The following PDS5B variants were observed in gnomAD, a reference collection of about 807,000 sequenced individuals.
PDS5B encodes sister chromatid cohesion protein PDS5 homolog B.
Under a neutral mutation model 184.1 loss-of-function variants are expected in PDS5B, and 51 were observed. The ratio of observed to expected loss-of-function variants is 0.28; its 90% CI spans 0.22 to 0.35. The LOEUF (loss-of-function observed/expected upper bound fraction) is 0.35. Among genes scored for constraint, PDS5B ranks in the 10% least tolerant of loss-of-function variants. The probability of loss-of-function intolerance (pLI) is 1.00; values close to 1 mark genes in which losing one functional copy is unlikely to be tolerated. For synonymous variants in PDS5B, 566 were observed against 569.2 expected, an observed-to-expected ratio of 0.99 and a Z score of 0.08; for missense variants, 1,180 against 1,723.3, an observed-to-expected ratio of 0.68 and a Z score of 5.58.
rs566290883 is a variant in PDS5B, at chr13:32,760,953, T to C, written c.3518+233T>C. On this transcript the variant is annotated intron_variant, in intron 30 of 34. Coordinates refer to ENST00000315596, the MANE Select transcript of PDS5B (RefSeq NM_015032.4). ...GCTTGTTGGGGGTAATCTGTGTTAGTACACATAAACTAGTTTCCAACCTCA... is the reference window on the plus strand; with the variant it reads ...GCTTGTTGGGGGTAATCTGTGTTAGCACACATAAACTAGTTTCCAACCTCA... Among the ~76,000 whole-genome samples, 3 of 152,356 alleles carry C rather than the reference T, an allele frequency of 2.0e-5. No individual in the cohort carries two copies. The South Asian group carries it at 6.2e-4, about 32-fold the overall frequency.
In PDS5B at chr13:32,773,921, A is replaced by G. The variant is rs1004193015; in HGVS notation, c.4308+597A>G. On this transcript the variant is annotated intron_variant, in intron 34 of 34. Transcript: ENST00000315596. Reference sequence around the variant, plus strand: ...CAGATTCAAGCAATTCTCCTGCCTCAGCTTCCCAAGTAGCTGAGATTACAG... The same window carrying G: ...CAGATTCAAGCAATTCTCCTGCCTCGGCTTCCCAAGTAGCTGAGATTACAG... 2.5e-4 allele frequency among the ~76,000 whole-genome samples: 38 copies of G among 152,104 alleles called. 1 individual carries two copies. Among genetic ancestry groups the G allele is most frequent in the Admixed American group, 2.6e-4 (4 of 15,266 alleles).
At chr13:32,730,203 A>T (rs1381033966) in intron 19 of PDS5B, among the ~76,000 whole-genome samples, 1 of 152,186 alleles carries the variant, frequency 6.6e-6, no homozygotes, top group Non-Finnish European at 1.5e-5. Context: ...TAAATACGGA[A>T]TCCTTTCCCC....
At chr13:32,748,878 G>C (rs1953860895) in intron 24 of PDS5B, among the ~76,000 whole-genome samples, 1 of 152,108 alleles carries the variant, frequency 6.6e-6, no homozygotes, top group Admixed American at 6.5e-5. Context: ...AGATAATTCT[G>C]TCCTTTGATA....
Position 32,741,110 on chromosome 13 carries a change from G to A in PDS5B, c.2437G>A (p.Val813Ile), listed in dbSNP as rs1566397734. ...LPGKKTTKLW[V>I]PDEEVSPETM... ...AGGGAAAAAGACAACTAAACTTTGG[G>A]TTCCAGATGAAGAAGTATCTCCTGA... Residue 813 changes from valine (V) to isoleucine (I), a missense_variant, in exon 22 of 35, where the codon GTT becomes ATT. Val to Ile is a conservative substitution (Grantham distance 29, BLOSUM62 3). This residue lies in a region of PDS5B where 475 missense variants were observed against 691.5 expected (regional missense o/e 0.69). Transcript: ENST00000315596. 3 of 1,581,148 alleles carry A rather than the reference G, an allele frequency of 1.9e-6. No homozygotes were observed. Among genetic ancestry groups the A allele is most frequent in the Non-Finnish European group, 2.6e-6 (3 of 1,155,414 alleles).
chr13:32,741,041 A>C, intron 21 of PDS5B, 39 bp from the exon 22 acceptor site: 1 of 1,126,832 alleles, frequency 8.9e-7, no homozygotes, highest in Non-Finnish European at 1.3e-6. Flanking sequence ...TTTACATTTT[A>C]AAGTCCCTGG....
chr13:32,611,374 A>G (rs183394464), intron 1 of PDS5B, among the ~76,000 whole-genome samples: 56 of 151,740 alleles, frequency 3.7e-4, no homozygotes, highest in African/African-American at 1.2e-3. Context: ...TTATTTTTTC[A>G]TTCATTAGTG....
chr13:32,589,502 G>A (rs1031587456), intron 1 of PDS5B, among the ~76,000 whole-genome samples: 1 of 151,980 alleles, frequency 6.6e-6, no homozygotes, highest in African/African-American at 2.4e-5. Context: ...TCCGGGAGCC[G>A]TCTTTCTTTA....
chr13:32,725,522 G>A (rs1952868112), intron 19 of PDS5B, among the ~76,000 whole-genome samples: 2 of 151,984 alleles, frequency 1.3e-5, no homozygotes, highest in Non-Finnish European at 2.9e-5. Context: ...CCTTTTAATG[G>A]GAATGGTATT....
In PDS5B at chr13:32,777,339, TTTTCTTTC is replaced by T. The variant is rs1214343317; in HGVS notation, c.*2295_*2302del. On this transcript the variant is annotated 3_prime_UTR_variant, in exon 35 of 35. Coordinates refer to ENST00000315596, the MANE Select transcript of PDS5B (RefSeq NM_015032.4). ...GGGTGGATTACGATGTAAATTTTTC[TTTTCTTTC>T]TTTCTTTTTTTTTTTTTTTGTGTAG... The T allele has an allele frequency of 7.3e-6, 1 of 137,782 alleles. No homozygotes were observed. The highest frequency in any genetic ancestry group is 7.6e-5 in the Admixed American group (1 of 13,096). 8.5% of individuals were successfully genotyped at this position (137,782 alleles called of 1,614,324 possible). A position where few individuals can be genotyped will look rare whatever the true frequency, so the allele number is the denominator to read the frequency against.
At chr13:32,741,053 T>G (rs1566397434) in intron 21 of PDS5B, 27 bp from the exon 22 acceptor site, 3 of 1,290,178 alleles carry the variant, frequency 2.3e-6, no homozygotes, top group East Asian at 2.3e-5. Context: ...AGTCCCTGGT[T>G]TTTTTTTTTT....
chr13:32,635,073 A>G (rs1377990659), intron 1 of PDS5B, among the ~76,000 whole-genome samples: 1 of 133,432 alleles, frequency 7.5e-6, no homozygotes. Flanking sequence ...CAGTAACTTG[A>G]TGATAGCCTT....
intron 7 of PDS5B, among the ~76,000 whole-genome samples, chr13:32,669,744 AT>A (rs1950886236): frequency 6.6e-6 from 1 of 152,144 alleles, no homozygotes; most frequent in Non-Finnish European, 1.5e-5. Flanking sequence ...TACACATTGA[AT>A]TATATACTTT....
chr13:32,605,803 G>A (rs547255600), intron 1 of PDS5B, among the ~76,000 whole-genome samples: 283 of 152,082 alleles, frequency 1.9e-3, no homozygotes, highest in African/African-American at 6.6e-3. Context: ...TTGTTGAATC[G>A]ATCCCTTTAC....
intron 17 of PDS5B, among the ~76,000 whole-genome samples, chr13:32,704,059 G>C (rs547724554): frequency 2.0e-5 from 3 of 152,098 alleles, no homozygotes; most frequent in South Asian, 4.1e-4. Flanking sequence ...TTAAATGTCA[G>C]TCATTTCCTT....
intron 19 of PDS5B, among the ~76,000 whole-genome samples, chr13:32,721,276 C>A (rs942691135): frequency 2.0e-5 from 3 of 151,196 alleles, no homozygotes; most frequent in Non-Finnish European, 4.4e-5. Flanking sequence ...GGGCGCCCCC[C>A]ACCTCCCAGA....
At chr13:32,748,588 AG>A (rs1953848459) in intron 24 of PDS5B, among the ~76,000 whole-genome samples, 1 of 151,940 alleles carries the variant, frequency 6.6e-6, no homozygotes, top group Non-Finnish European at 1.5e-5. Context: ...AGCAACGTTA[AG>A]GTTTTTCAAG....
intron 24 of PDS5B, among the ~76,000 whole-genome samples, chr13:32,749,512 G>A (rs1297918866): frequency 6.6e-6 from 1 of 152,028 alleles, no homozygotes; most frequent in African/African-American, 2.4e-5. Context: ...TAATTACTTA[G>A]ATATTTTAGA....
At chr13:32,723,741 A>T (rs150309796) in intron 19 of PDS5B, among the ~76,000 whole-genome samples, 1 of 152,224 alleles carries the variant, frequency 6.6e-6, no homozygotes, top group Non-Finnish European at 1.5e-5. Flanking sequence ...GATTTATGAG[A>T]AGATAGGTCT....
intron 30 of PDS5B, among the ~76,000 whole-genome samples, chr13:32,761,729 C>G (rs1438075885): frequency 6.6e-6 from 1 of 151,990 alleles, no homozygotes; most frequent in Non-Finnish European, 1.5e-5. Flanking sequence ...AGGTTGATTC[C>G]ATATCTTTGA....
Sources: allele counts gnomAD v4.1 joint callset (sites outside exome capture counted in the v4.1 genomes callset), GRCh38; gene constraint gnomAD v4.1.1; regional missense constraint gnomAD v4.1.1; transcripts MANE v1.5; gene names NCBI Gene and HGNC (gene_info 2026-07-23, HGNC 2026-07-21).